Variants in TRIM37 observed in about 807,000 individuals in gnomAD.
TRIM37 encodes E3 ubiquitin-protein ligase TRIM37.
A neutral mutation model predicts 129.8 loss-of-function variants in TRIM37; 80 were observed. The observed-to-expected ratio is 0.62, with a 90% CI of 0.51 to 0.74. The LOEUF (loss-of-function observed/expected upper bound fraction) is 0.74. Ranked by LOEUF, TRIM37 falls within the 30% of genes least tolerant of loss-of-function variation. The probability of loss-of-function intolerance (pLI) is 0.00; values close to 1 mark genes in which losing one functional copy is unlikely to be tolerated. For missense variants in TRIM37, 1,054 were observed against 1,176.5 expected (o/e 0.90, Z 1.52); for synonymous variants, 389 against 387.1 (o/e 1.00, Z -0.06).
intron 13 of TRIM37, among the ~76,000 whole-genome samples, chr17:59,055,083 T>A (rs901560947): frequency 6.6e-6 from 1 of 151,988 alleles, no homozygotes; most frequent in African/African-American, 2.4e-5. Context: ...ATGCCTATAA[T>A]CCCAGCACTA....
chr17:59,019,621 T>C (rs986987581), intron 19 of TRIM37, among the ~76,000 whole-genome samples: 1 of 151,144 alleles, frequency 6.6e-6, no homozygotes, highest in African/African-American at 2.4e-5. Context: ...GGCAGGAGAA[T>C]GGCGTGAACC....
intron 19 of TRIM37, among the ~76,000 whole-genome samples, chr17:59,021,621 C>T (rs2036611738): frequency 6.6e-6 from 1 of 151,616 alleles, no homozygotes; most frequent in Admixed American, 6.6e-5. Context: ...TTACCAGAGG[C>T]TAGGGAGTGT....
Position 59,062,637 on chromosome 17 carries a change from T to G in TRIM37, c.872A>C (p.Gln291Pro). ...FVLENFSTLR[Q>P]RADPVYSPPL... ...TGGACTGTAAACAGGATCTGCTCTC[T>G]GACGCAAAGTGCTAACGAAAAAGAA... is the stretch of plus-strand genomic sequence containing the variant. The change falls in exon 11 of 24, where the codon CAG becomes CCG. Residue 291 changes from glutamine to proline, a missense_variant. Physicochemically the swap from Gln to Pro is moderately conservative, Grantham distance 76. Around this residue, in one of 3 missense-constraint regions of TRIM37, gnomAD observed 752 missense variants for 870.8 expected, o/e 0.86. Coordinates refer to ENST00000262294, the MANE Select transcript of TRIM37 (RefSeq NM_015294.6). 1 of 1,613,998 alleles carries G rather than the reference T, an allele frequency of 6.2e-7. No homozygotes were observed. Among genetic ancestry groups the G allele is most frequent in the Non-Finnish European group, 8.5e-7 (1 of 1,179,912 alleles).
At chr17:59,047,186 T>C (rs1469347644) in intron 16 of TRIM37, among the ~76,000 whole-genome samples, 2 of 151,238 alleles carry the variant, frequency 1.3e-5, no homozygotes, top group African/African-American at 4.9e-5. Flanking sequence ...GTAACCCAGA[T>C]TGAAGATAAC....
intron 13 of TRIM37, among the ~76,000 whole-genome samples, chr17:59,055,092 T>C (rs1052930899): frequency 6.6e-6 from 1 of 151,940 alleles, no homozygotes; most frequent in African/African-American, 2.4e-5. Context: ...ATCCCAGCAC[T>C]ATGGGAGGCC....
intron 2 of TRIM37, among the ~76,000 whole-genome samples, chr17:59,101,496 A>G (rs962820449): frequency 1.3e-5 from 2 of 151,746 alleles, no homozygotes; most frequent in African/African-American, 2.4e-5. Context: ...TAAGTGAAAC[A>G]GGGAGATAAT....
At chr17:58,973,625 T>C in the TRIM37 span, among the ~76,000 whole-genome samples, 5 of 150,722 alleles carry the variant, frequency 3.3e-5, no homozygotes, top group African/African-American at 7.3e-5. Flanking sequence ...CTGGGCAACA[T>C]AGTAAGACTT....
In TRIM37 at chr17:59,026,487, G is replaced by T. The variant is rs74256774; in HGVS notation, c.2257+1928C>A. ...AGGGAAAAGGCAACCCACACACTGGGAGAAAACATCTGCAAATCATATATG... is the reference window on the plus strand; with the variant it reads ...AGGGAAAAGGCAACCCACACACTGGTAGAAAACATCTGCAAATCATATATG... On this transcript the variant is annotated intron_variant, in intron 19 of 23. Transcript: ENST00000262294. Among the ~76,000 whole-genome samples, 144 of 152,242 alleles carry T rather than the reference G, an allele frequency of 9.5e-4. 3 individuals carry two copies. In the East Asian group the frequency reaches 0.026, roughly 28 times the overall value.
chr17:59,013,844 A>T (rs2035589031), intron 21 of TRIM37, among the ~76,000 whole-genome samples: 1 of 152,010 alleles, frequency 6.6e-6, no homozygotes, highest in East Asian at 1.9e-4. Flanking sequence ...TAGTATTTAA[A>T]CTTTTTGCTT....
At chr17:59,005,901 A>G (rs2034425782) in intron 22 of TRIM37, among the ~76,000 whole-genome samples, 1 of 152,206 alleles carries the variant, frequency 6.6e-6, no homozygotes, top group Non-Finnish European at 1.5e-5. Context: ...TATAATGAGG[A>G]CTGATTTGTA....
At chr17:58,969,887 C>T in the TRIM37 span, among the ~76,000 whole-genome samples, 1 of 152,140 alleles carries the variant, frequency 6.6e-6, no homozygotes, top group Non-Finnish European at 1.5e-5. Flanking sequence ...TTCCAATTCC[C>T]TCCTCAGGAA....
chr17:59,045,525 G>A (rs1441373804), intron 16 of TRIM37, among the ~76,000 whole-genome samples: 4 of 151,200 alleles, frequency 2.6e-5, no homozygotes, highest in African/African-American at 9.7e-5. Flanking sequence ...TGTAATCCCA[G>A]CTACTTGGGA....
Position 59,100,921 on chromosome 17 carries a change from C to T in TRIM37, c.123+3372G>A, listed in dbSNP as rs1211662609. ...CCTATAATCCCAGCTACTTGGGAGG[C>T]TGAGGCAGGAGAATCACTCGAACCC... On this transcript the variant is annotated intron_variant, in intron 2 of 23. Transcript: ENST00000262294. Among the ~76,000 whole-genome samples the T allele has an allele frequency of 2.6e-5, 4 of 151,240 alleles. No individual in the cohort carries two copies. The Admixed American group carries it at 2.6e-4, about 10-fold the overall frequency.
intron 14 of TRIM37, among the ~76,000 whole-genome samples, 180 bp downstream of exon 14, chr17:59,051,034 G>A (rs1483789956): frequency 6.6e-6 from 1 of 152,134 alleles, no homozygotes; most frequent in Non-Finnish European, 1.5e-5. Flanking sequence ...TATGTGGCTA[G>A]TGTCTACTAA....
Position 58,999,384 on chromosome 17 carries a change from C to T in TRIM37, c.2888G>A (p.Gly963Glu). The change falls in exon 24 of 24, where the codon GGA becomes GAA. Residue 963 changes from glycine to glutamate, a missense_variant. Gly to Glu is a moderately conservative substitution (Grantham distance 98). Coordinates refer to ENST00000262294, the MANE Select transcript of TRIM37 (RefSeq NM_015294.6). ...GTTCTCTTGATTTGGCAATTACCTT[C>T]CACTATTTTCATCTGTATTGAAGCT... ...DLSFNTDENSGR is the reference protein window; with the variant it reads ...DLSFNTDENSER The T allele has an allele frequency of 6.2e-7, 1 of 1,613,920 alleles. No homozygotes were observed. Among genetic ancestry groups the T allele is most frequent in the South Asian group, 1.1e-5 (1 of 91,076 alleles).
At chr17:59,032,966 T>C (rs4932693) in intron 17 of TRIM37, among the ~76,000 whole-genome samples, 52,939 of 151,996 alleles carry the variant, frequency 0.35, 9,878 homozygotes, top group East Asian at 0.53. Context: ...TAGGCAGATA[T>C]TATGCCTATA....
intron 13 of TRIM37, 65 bp downstream of exon 13, chr17:59,056,810 A>C (rs1224097846): frequency 7.7e-7 from 1 of 1,292,010 alleles, no homozygotes; most frequent in Non-Finnish European, 1.1e-6. Context: ...ATGATCTTTG[A>C]AATATAGTTC....
intron 2 of TRIM37, among the ~76,000 whole-genome samples, chr17:59,095,230 T>A (rs1211902789): frequency 6.6e-6 from 1 of 150,912 alleles, no homozygotes; most frequent in East Asian, 1.9e-4. Context: ...AAAAAAAAAA[T>A]CCATAGACCA....
intron 12 of TRIM37, among the ~76,000 whole-genome samples, chr17:59,060,396 G>A (rs1377655427): frequency 1.4e-5 from 2 of 147,196 alleles, no homozygotes; most frequent in East Asian, 4.0e-4. Flanking sequence ...CATGTTAGCT[G>A]AAAGCAGACA....
Sources: gnomAD v4.1 joint callset for allele counts (sites outside exome capture counted in the v4.1 genomes callset) on GRCh38, gnomAD v4.1.1 for gene constraint, gnomAD v4.1.1 regional missense constraint, MANE v1.5 for transcripts, NCBI Gene and HGNC (gene_info 2026-07-23, HGNC 2026-07-21) for gene names.